The following LRIF1 variants were observed in gnomAD, a reference collection of about 807,000 sequenced individuals.
LRIF1 encodes ligand dependent nuclear receptor interacting factor 1.
LRIF1 carries 32 observed loss-of-function variants against 52.7 expected under a neutral mutation model. The ratio of observed to expected loss-of-function variants is 0.61; its 90% CI spans 0.46 to 0.82. The LOEUF (loss-of-function observed/expected upper bound fraction) is 0.82. Among genes scored for constraint, LRIF1 ranks in the 40% least tolerant of loss-of-function variants. The pLI, the probability that LRIF1 is intolerant of heterozygous loss-of-function variation, is 0.00. For missense variants in LRIF1, 887 were observed against 892.0 expected (o/e 0.99, Z 0.07); for synonymous variants, 323 against 317.4 (o/e 1.02, Z -0.19).
At chr1:110,889,113 AT>A in the LRIF1 span, among the ~76,000 whole-genome samples, 97,542 of 151,966 alleles carry the variant, frequency 0.64, 33,297 homozygotes, top group Non-Finnish European at 0.77. Flanking sequence ...AGTTAATTTA[AT>A]TTTTTTAAAA....
intron 1 of LRIF1, among the ~76,000 whole-genome samples, chr1:110,955,717 AAACTTT>A (rs1403056501): frequency 6.6e-6 from 1 of 152,208 alleles, no homozygotes; most frequent in African/African-American, 2.4e-5. Context: ...AACTCTTTTT[AAACTTT>A]GACTGTCAAG....
the LRIF1 span, among the ~76,000 whole-genome samples, chr1:110,933,467 A>G: frequency 6.6e-6 from 1 of 151,590 alleles, no homozygotes; most frequent in Non-Finnish European, 1.5e-5. Context: ...CACTGACACC[A>G]CCCCTCCCCA....
chr1:110,902,796 C>G, the LRIF1 span, among the ~76,000 whole-genome samples: 1 of 152,136 alleles, frequency 6.6e-6, no homozygotes, highest in Non-Finnish European at 1.5e-5. Flanking sequence ...CTGTCTAACA[C>G]AAAAAACCAC....
At chr1:110,916,241 C>T in the LRIF1 span, among the ~76,000 whole-genome samples, 1 of 151,880 alleles carries the variant, frequency 6.6e-6, no homozygotes, top group South Asian at 2.1e-4. Context: ...TTATAAACAA[C>T]AATAATAATA....
chr1:110,931,601 A>G, the LRIF1 span, among the ~76,000 whole-genome samples: 2 of 152,308 alleles, frequency 1.3e-5, no homozygotes, highest in East Asian at 3.9e-4. Flanking sequence ...ACTCCCACCA[A>G]CAGTGTAAAA....
chr1:110,943,631 TTTTTC>T (rs1232811201), downstream of LRIF1: 2 of 152,074 alleles, frequency 1.3e-5, no homozygotes, highest in African/African-American at 4.8e-5. Context: ...AGGCCACAAT[TTTTTC>T]TTTTCTGTTT....
the LRIF1 span, among the ~76,000 whole-genome samples, chr1:110,930,503 A>G: frequency 6.6e-6 from 1 of 152,098 alleles, no homozygotes; most frequent in Non-Finnish European, 1.5e-5. Context: ...GTGTGCAGGC[A>G]TGGAGCGGTG....
At chr1:110,911,540 G>A in the LRIF1 span, among the ~76,000 whole-genome samples, 55 of 151,950 alleles carry the variant, frequency 3.6e-4, no homozygotes, top group Admixed American at 1.1e-3. Flanking sequence ...ACCTGGCAAA[G>A]ATAAAAAGAA....
chr1:110,920,654 A>G, the LRIF1 span, among the ~76,000 whole-genome samples: 86 of 152,310 alleles, frequency 5.6e-4, no homozygotes, highest in African/African-American at 1.9e-3. Context: ...AACGTACAAC[A>G]CCAAAAGTGA....
the LRIF1 span, among the ~76,000 whole-genome samples, chr1:110,888,441 A>AC: frequency 2.0e-5 from 3 of 152,270 alleles, no homozygotes; most frequent in South Asian, 6.2e-4. Context: ...TGAGGCAATC[A>AC]CAGGGCTCAC....
At chr1:110,910,292 CAAA>C in the LRIF1 span, among the ~76,000 whole-genome samples, 10 of 134,472 alleles carry the variant, frequency 7.4e-5, no homozygotes, top group African/African-American at 2.4e-4. Flanking sequence ...AAGCAATTCT[CAAA>C]AAAAAAAAAA....
At chr1:110,905,838 TAGAC>T in the LRIF1 span, among the ~76,000 whole-genome samples, 4 of 151,986 alleles carry the variant, frequency 2.6e-5, no homozygotes, top group Non-Finnish European at 4.4e-5. Flanking sequence ...TTTTAAGACA[TAGAC>T]AGTACAATAA....
downstream of LRIF1, chr1:110,942,280 T>C (rs1028128378): frequency 1.2e-4 from 19 of 152,062 alleles, no homozygotes; most frequent in Non-Finnish European, 2.4e-4. Flanking sequence ...TTTCATGGAG[T>C]CTGGAAAGTG....
At chr1:110,880,117 C>A in the LRIF1 span, 1 of 152,200 alleles carries the variant, frequency 6.6e-6, no homozygotes, top group African/African-American at 2.4e-5. Flanking sequence ...TTCCTGGAAA[C>A]TGATATTGGT....
At chr1:110,951,179 A>G in intron 2 of LRIF1, 109 bp downstream of exon 2, 1 of 869,722 alleles carries the variant, frequency 1.1e-6, no homozygotes, top group Admixed American at 2.4e-5. Context: ...TCTGTGTGTG[A>G]TGGGGTTGGC....
chr1:110,950,063 C>T lies in LRIF1; in HGVS notation c.1657G>A (p.Asp553Asn). The change falls in exon 3 of 4, where the codon GAT (aspartate) becomes AAT (asparagine). Residue 553 changes from aspartate (D) to asparagine (N), a missense_variant. By Grantham distance (23) the Asp-to-Asn change is conservative. Coordinates refer to ENST00000369763, the MANE Select transcript of LRIF1 (RefSeq NM_018372.4). ...KGAQGRNDKKDSQGRSNKALH... is the reference protein window; with the variant it reads ...KGAQGRNDKKNSQGRSNKALH... Reference sequence around the variant, plus strand: ...GCCTTATTACTTCTTCCTTGAGAATCTTTCTTGTCATTTCTTCCTTGGGCA... The same window carrying T: ...GCCTTATTACTTCTTCCTTGAGAATTTTTCTTGTCATTTCTTCCTTGGGCA... 1 of 1,613,942 alleles carries T rather than the reference C, an allele frequency of 6.2e-7. No individual in the cohort carries two copies. Among genetic ancestry groups the T allele is most frequent in the Non-Finnish European group, 8.5e-7 (1 of 1,179,964 alleles).
At chr1:110,882,909 T>C in the LRIF1 span, among the ~76,000 whole-genome samples, 1 of 152,040 alleles carries the variant, frequency 6.6e-6, no homozygotes, top group South Asian at 2.1e-4. Flanking sequence ...TTGAATCTTG[T>C]TTCTAGCAAC....
At chr1:110,944,226 G>C (rs558214129), downstream of LRIF1, 1 of 152,352 alleles carries the variant, frequency 6.6e-6, no homozygotes, top group African/African-American at 2.4e-5. Flanking sequence ...TGAGGTGTGA[G>C]AGCAAGGAGT....
chr1:110,923,086 T>A, the LRIF1 span, among the ~76,000 whole-genome samples: 1 of 152,026 alleles, frequency 6.6e-6, no homozygotes, highest in African/African-American at 2.4e-5. Context: ...GGGCGGATTG[T>A]CTGAGTTCAG....
Sources: gnomAD v4.1 joint callset for allele counts (sites outside exome capture counted in the v4.1 genomes callset) on GRCh38, gnomAD v4.1.1 for gene constraint, MANE v1.5 for transcripts, NCBI Gene and HGNC (gene_info 2026-07-23, HGNC 2026-07-21) for gene names.